Variants in OAT observed in about 807,000 individuals in gnomAD.
OAT encodes ornithine aminotransferase.
A neutral mutation model predicts 48.4 loss-of-function variants in OAT; 35 were observed. That is an observed-to-expected ratio of 0.72 (90% confidence interval 0.55 to 0.96). The LOEUF is 0.96. Ranked by LOEUF, OAT falls within the 40% of genes least tolerant of loss-of-function variation. The pLI is 0.00. For synonymous variants in OAT, 182 were observed against 198.4 expected (o/e 0.92, Z 0.70); for missense variants, 438 against 537.9 (o/e 0.81, Z 1.84).
chr10:124,399,334 GATT>G (rs1480012634), intron 9 of OAT, among the ~76,000 whole-genome samples: 2 of 114,008 alleles, frequency 1.8e-5, no homozygotes, highest in Non-Finnish European at 3.5e-5. Context: ...CTCCCCAGGT[GATT>G]CTTTTTTTTT....
At chr10:124,411,698 C>T (rs528934867) in intron 2 of OAT, among the ~76,000 whole-genome samples, 2 of 152,158 alleles carry the variant, frequency 1.3e-5, no homozygotes, top group Admixed American at 1.3e-4. Context: ...CGCCTGTAGT[C>T]CCAGCTACTC....
Position 124,398,018 on chromosome 10 carries a change from G to A in OAT, c.1244C>T (p.Ala415Val), listed in dbSNP as rs757075153. Residue 415 changes from alanine (A) to valine (V), a missense_variant, in exon 10 of 10, where the codon GCG becomes GTG. By Grantham distance (64) the Ala-to-Val change is moderately conservative (BLOSUM62 0). Coordinates refer to ENST00000368845, the MANE Select transcript of OAT (RefSeq NM_000274.4). ...ATCCTCCTTGATCACCAGCGGAGGC[G>A]CAAACCTGATAATGTCGCCATGGGT... The part of the protein sequence containing the change: ...KPTHGDIIRF[A>V]PPLVIKEDEL... The A allele has an allele frequency of 1.2e-5, 19 of 1,613,858 alleles. No individual in the cohort carries two copies. Among genetic ancestry groups the A allele is most frequent in the Middle Eastern group, 1.6e-4 (1 of 6,084 alleles).
At chr10:124,405,640 A>G (rs574594250) in intron 4 of OAT, 77 bp from the exon 5 acceptor site, 16 of 1,587,460 alleles carry the variant, frequency 1.0e-5, no homozygotes, top group Non-Finnish European at 1.4e-5. Context: ...AAAACACCAC[A>G]AGAAGTTTGA....
intron 7 of OAT, 114 bp from the exon 8 acceptor site, chr10:124,401,953 C>A: frequency 1.3e-6 from 1 of 768,014 alleles, no homozygotes; most frequent in Non-Finnish European, 2.2e-6. Context: ...GTGATCTCAG[C>A]TCACTGCAAT....
Position 124,398,066 on chromosome 10 carries a change from T to C in OAT, c.1196A>G (p.Asp399Gly). The C allele has an allele frequency of 6.2e-7, 1 of 1,614,134 alleles. No individual in the cohort carries two copies. Among genetic ancestry groups the C allele is most frequent in the Non-Finnish European group, 8.5e-7 (1 of 1,180,002 alleles). ...GGTTGGCTTGGCCAGAAGTCCATTA[T>C]CTCGAAGTCGTAGACACACCTTCCA... ...DAWKVCLRLRDNGLLAKPTHG... is the reference protein window; with the variant it reads ...DAWKVCLRLRGNGLLAKPTHG... Residue 399 changes from aspartate to glycine, a missense_variant, in exon 10 of 10, where the codon GAT (aspartate) becomes GGT (glycine). By Grantham distance (94) the Asp-to-Gly change is moderately conservative (BLOSUM62 -1). Coordinates refer to ENST00000368845, the MANE Select transcript of OAT (RefSeq NM_000274.4).
rs935053559 is a variant in OAT at position 124,402,965 on chromosome 10, C to G, written c.862G>C (p.Val288Leu). 6.2e-7 allele frequency: 1 copy of G among 1,613,996 alleles called. No individual in the cohort carries two copies. Among genetic ancestry groups the G allele is most frequent in the Non-Finnish European group, 8.5e-7 (1 of 1,180,022 alleles). ...VDYENVRPDI[V>L]LLGKALSGGL... ...CCAGAAAGGGCCTTTCCAAGGAGGA[C>G]TATATCAGGTCTGACATTTTCATAA... The change falls in exon 7 of 10, where the codon GTC becomes CTC. Residue 288 changes from valine (V) to leucine (L), a missense_variant. Val to Leu is a conservative substitution (Grantham distance 32). Transcript: ENST00000368845.
At chr10:124,399,218 A>T (rs1047714823) in intron 9 of OAT, among the ~76,000 whole-genome samples, 2 of 151,962 alleles carry the variant, frequency 1.3e-5, no homozygotes, top group African/African-American at 2.4e-5. Flanking sequence ...CTGGCTGCAC[A>T]TCAGAATCAC....
At position 124,401,993 on chromosome 10, in the gene OAT, T is replaced by C. The variant is rs2491159; in HGVS notation, c.901-154A>G. Among the ~76,000 whole-genome samples the C allele has an allele frequency of 0.45, 67,732 of 152,046 alleles. 15,616 individuals carry two copies. The highest frequency in any genetic ancestry group is 0.7 in the East Asian group (3,654 of 5,184). On this transcript the variant is annotated intron_variant, in intron 7 of 9. Transcript: ENST00000368845. ...GCCTCCTGGACTCAAGCAATTCTCC[T>C]GCCTCAGCCTCCCAAGTAGCTAGGA...
chr10:124,400,318 C>A (rs893030379), intron 9 of OAT, among the ~76,000 whole-genome samples: 1 of 151,180 alleles, frequency 6.6e-6, no homozygotes, highest in South Asian at 2.1e-4. Context: ...CGTGTTGGCA[C>A]GTGCCTGTAA....
chr10:124,397,997 T>C lies in OAT; in HGVS notation c.1265A>G (p.Glu422Gly). ...TTCAATGGACTCTCGAAGCTCATCC[T>C]CCTTGATCACCAGCGGAGGCGCAAA... ...IRFAPPLVIKEDELRESIEII... is the reference protein window; with the variant it reads ...IRFAPPLVIKGDELRESIEII... Residue 422 changes from glutamate to glycine, a missense_variant, in exon 10 of 10, where the codon GAG becomes GGG. Glu to Gly is a moderately conservative substitution (Grantham distance 98, BLOSUM62 -2). Transcript: ENST00000368845. 6.2e-7 allele frequency: 1 copy of C among 1,613,998 alleles called. No homozygotes were observed. Among genetic ancestry groups the C allele is most frequent in the Non-Finnish European group, 8.5e-7 (1 of 1,179,904 alleles).
intron 1 of OAT, among the ~76,000 whole-genome samples, chr10:124,416,697 A>T (rs1951927941): frequency 6.6e-6 from 1 of 152,196 alleles, no homozygotes; most frequent in African/African-American, 2.4e-5. Flanking sequence ...TGCATTTTGA[A>T]GTTAATTTAG....
At chr10:124,401,043 G>A (rs971189507) in intron 8 of OAT, 59 bp from the exon 9 acceptor site, 1 of 1,210,096 alleles carries the variant, frequency 8.3e-7, no homozygotes, top group South Asian at 1.3e-5. Context: ...TTTTTTGGAG[G>A]ACAACGGGGA....
In OAT at chr10:124,397,785, CGTT is replaced by C; in HGVS notation, c.*154_*156del. Reference sequence around the variant, plus strand: ...ACAAAGCAAACGGCAGGTTCATAAACGTTGTTCTATTATGTATCAACTGAAAAA... The same window carrying C: ...ACAAAGCAAACGGCAGGTTCATAAACGTTCTATTATGTATCAACTGAAAAA... On this transcript the variant is annotated 3_prime_UTR_variant, in exon 10 of 10. Transcript: ENST00000368845. The C allele has an allele frequency of 2.8e-6, 2 of 716,364 alleles. No individual in the cohort carries two copies. The highest frequency in any genetic ancestry group is 4.7e-6 in the Non-Finnish European group (2 of 426,188). The allele number at this position is 716,364 out of a possible 1,614,324, so 44.4% of individuals were successfully genotyped here. A position where few individuals can be genotyped will look rare whatever the true frequency, so the allele number is the denominator to read the frequency against.
Position 124,401,017 on chromosome 10 carries a change from G to A in OAT, c.1015-33C>T, listed in dbSNP as rs576692247. ...TAAAGAAAAATTATACAAATATTAAGACTGTCCTTTTTTTGTTTTTTGGAG... is the reference window on the plus strand; with the variant it reads ...TAAAGAAAAATTATACAAATATTAAAACTGTCCTTTTTTTGTTTTTTGGAG... On this transcript the variant is annotated intron_variant, in intron 8 of 9. Transcript: ENST00000368845. 45 of 1,561,918 alleles carry A rather than the reference G, an allele frequency of 2.9e-5. No individual in the cohort carries two copies. The South Asian group carries it at 3.4e-4, about 12-fold the overall frequency.
Position 124,405,759 on chromosome 10 carries a change from A to C in OAT, c.521-196T>G, listed in dbSNP as rs74754227. The C allele has an allele frequency of 2.5e-3, 3,397 of 1,384,060 alleles. 58 individuals are homozygous for C. The African/African-American group carries it at 0.045, about 18-fold the overall frequency. The allele number at this position is 1,384,060 out of a possible 1,614,324, so 85.7% of individuals were successfully genotyped here. On this transcript the variant is annotated intron_variant, in intron 4 of 9. Coordinates refer to ENST00000368845, the MANE Select transcript of OAT (RefSeq NM_000274.4). The stretch of plus-strand genomic sequence containing the variant: ...TGGCTCCTATGACACAAGGCCACTA[A>C]GTCTGGCCTTGTAATTCCTATTTTA...
At chr10:124,405,925 A>G (rs989673647) in intron 4 of OAT, 1 of 1,155,140 alleles carries the variant, frequency 8.7e-7, no homozygotes, top group Non-Finnish European at 1.1e-6. Context: ...GAGAAGGTGC[A>G]TTTATGATAG....
At chr10:124,407,121 C>A (rs986225333) in intron 4 of OAT, 16 of 985,316 alleles carry the variant, frequency 1.6e-5, no homozygotes, top group Middle Eastern at 5.2e-4. Context: ...CCTCTTTCAC[C>A]AGCATCCCTT....
chr10:124,402,983 T>C lies in OAT; in HGVS notation c.844A>G (p.Asn282Asp), dbSNP rs144131321. 1.2e-6 allele frequency: 2 copies of C among 1,614,118 alleles called. No homozygotes were observed. Among genetic ancestry groups the C allele is most frequent in the Middle Eastern group, 1.6e-4 (1 of 6,062 alleles). Residue 282 changes from asparagine to aspartate, a missense_variant, in exon 7 of 10, where the codon AAT (asparagine) becomes GAT (aspartate). By Grantham distance (23) the Asn-to-Asp change is conservative. Coordinates refer to ENST00000368845, the MANE Select transcript of OAT (RefSeq NM_000274.4). ...AGGAGGACTATATCAGGTCTGACAT[T>C]TTCATAATCAACAGCCAGCCATCTA... The part of the protein sequence containing the change: ...TGRWLAVDYE[N>D]VRPDIVLLGK...
intron 4 of OAT, among the ~76,000 whole-genome samples, chr10:124,407,907 G>A (rs1164139980): frequency 6.6e-6 from 1 of 152,074 alleles, no homozygotes; most frequent in Non-Finnish European, 1.5e-5. Context: ...CTTTTCAACA[G>A]CTTCTAAGTG....
Sources: allele counts gnomAD v4.1 joint callset (sites outside exome capture counted in the v4.1 genomes callset), GRCh38; gene constraint gnomAD v4.1.1; transcripts MANE v1.5; gene names NCBI Gene and HGNC (gene_info 2026-07-23, HGNC 2026-07-21).